Variants in EDA observed in about 807,000 individuals in gnomAD.
EDA encodes ectodysplasin A.
A neutral mutation model predicts 23.6 loss-of-function variants in EDA; 2 were observed. The observed-to-expected ratio is 0.08, with a 90% CI of 0.03 to 0.27. The LOEUF (loss-of-function observed/expected upper bound fraction) is 0.27, where lower values mean the gene tolerates loss of function less well. EDA is among the 10% of genes least tolerant of loss of function. EDA has a pLI of 1.00. For synonymous variants in EDA, 131 were observed against 132.0 expected (o/e 0.99, Z 0.05); for missense variants, 229 against 324.2 (o/e 0.71, Z 2.26).
chrX:69,740,351 TTTATATAGGACTATCTATATC>T (rs2013414214), intron 1 of EDA, among the ~76,000 whole-genome samples: 1 of 111,674 alleles, frequency 9.0e-6, no homozygotes, highest in Non-Finnish European at 1.9e-5. Flanking sequence ...TCTGTCTTTG[TTTATATAGGACTATCTATATC>T]ATCATCATTT....
At chrX:69,929,706 TTGTGTGTGTGTGTGTG>T (rs4007701) in intron 1 of EDA, among the ~76,000 whole-genome samples, 6 of 84,341 alleles carry the variant, frequency 7.1e-5, no homozygotes, top group African/African-American at 1.3e-4. Context: ...CATTCTATTT[TTGTGTGTGTGTGTGTG>T]TGTGTGTGTG....
intron 2 of EDA, among the ~76,000 whole-genome samples, chrX:70,020,419 C>T (rs1380927154): frequency 1.8e-5 from 2 of 110,549 alleles, no homozygotes; most frequent in Non-Finnish European, 3.8e-5. Flanking sequence ...ATTAGCCGGG[C>T]GTGGTGGCGG....
intron 1 of EDA, among the ~76,000 whole-genome samples, chrX:69,890,893 G>A (rs867007265): frequency 1.8e-5 from 2 of 111,612 alleles, no homozygotes; most frequent in Non-Finnish European, 1.9e-5. Flanking sequence ...TGACACATGG[G>A]ACCTAATTAA....
rs186790004 is a variant in EDA at position 69,751,984 on chromosome X, G to A, written c.396+135280G>A. ...GCTTAAGGAGATTTTGGGCTGCGAC[G>A]ATGGGGTTTTCTAGATATACAATCA... On this transcript the variant is annotated intron_variant, in intron 1 of 7. Coordinates refer to ENST00000374552, the MANE Select transcript of EDA (RefSeq NM_001399.5). Among the ~76,000 whole-genome samples the A allele has an allele frequency of 3.2e-4, 35 of 110,703 alleles. No homozygotes were observed. The East Asian group carries it at 5.4e-3, about 17-fold the overall frequency.
intron 1 of EDA, among the ~76,000 whole-genome samples, chrX:69,624,703 T>A (rs1466710929): frequency 9.1e-6 from 1 of 109,995 alleles, no homozygotes; most frequent in African/African-American, 3.3e-5. Context: ...AGCTTGGGTT[T>A]TTTTTTCCCC....
chrX:69,853,927 C>T (rs1242110948), intron 1 of EDA, among the ~76,000 whole-genome samples: 1 of 111,480 alleles, frequency 9.0e-6, no homozygotes, highest in Admixed American at 9.6e-5. Context: ...AGGGTCACAC[C>T]GAAACACACT....
chrX:69,885,527 C>T (rs1379647859), intron 1 of EDA, among the ~76,000 whole-genome samples: 2 of 112,021 alleles, frequency 1.8e-5, no homozygotes, highest in Non-Finnish European at 3.8e-5. Flanking sequence ...AATTTTATTT[C>T]TCTTTAAGGC....
intron 2 of EDA, among the ~76,000 whole-genome samples, chrX:69,972,816 C>A (rs1353184855): frequency 2.7e-5 from 3 of 111,674 alleles, no homozygotes; most frequent in Non-Finnish European, 5.7e-5. Context: ...ATGTAATTCT[C>A]CTTTCTGTCA....
At chrX:69,854,964 A>T (rs947382599) in intron 1 of EDA, among the ~76,000 whole-genome samples, 1 of 109,397 alleles carries the variant, frequency 9.1e-6, no homozygotes, top group African/African-American at 3.3e-5. Context: ...CCTTGCCAGC[A>T]TGTTATTTTT....
chrX:69,760,748 G>C (rs2014284668), intron 1 of EDA, among the ~76,000 whole-genome samples: 1 of 111,913 alleles, frequency 8.9e-6, no homozygotes, highest in Non-Finnish European at 1.9e-5. Flanking sequence ...GGAGACTTAT[G>C]ATTGTGCCCT....
At chrX:69,814,892 T>C (rs759572798) in intron 1 of EDA, among the ~76,000 whole-genome samples, 82 of 111,642 alleles carry the variant, frequency 7.3e-4, no homozygotes, top group South Asian at 4.6e-3. Flanking sequence ...TTGGGTCTGA[T>C]AGACAGAGCT....
chrX:69,963,513 G>A (rs1411808350), intron 2 of EDA, among the ~76,000 whole-genome samples: 1 of 112,456 alleles, frequency 8.9e-6, no homozygotes, highest in African/African-American at 3.2e-5. Context: ...CCTGCTGGTA[G>A]TGGGTGCCAA....
rs1459528204 is a variant in EDA, at chrX:70,035,691, G to A, written c.*82G>A. Reference sequence around the variant, plus strand: ...CCCAGAACCTCTAAGTGCTGCTGTGGAGTGAGGTGTATTGGTGTTGCAGCC... The same window carrying A: ...CCCAGAACCTCTAAGTGCTGCTGTGAAGTGAGGTGTATTGGTGTTGCAGCC... On this transcript the variant is annotated 3_prime_UTR_variant, in exon 8 of 8. Coordinates refer to ENST00000374552, the MANE Select transcript of EDA (RefSeq NM_001399.5). 20 of 1,104,875 alleles carry A rather than the reference G, an allele frequency of 1.8e-5. No homozygotes were observed. The highest frequency in any genetic ancestry group is 2.2e-5 in the Non-Finnish European group (18 of 809,286). The allele number at this position is 1,104,875 out of a possible 1,213,427, so 91.1% of individuals were successfully genotyped here. A position where few individuals can be genotyped will look rare whatever the true frequency, so the allele number is the denominator to read the frequency against.
intron 2 of EDA, among the ~76,000 whole-genome samples, chrX:70,019,237 T>C (rs1303892357): frequency 8.9e-6 from 1 of 112,236 alleles, no homozygotes; most frequent in Non-Finnish European, 1.9e-5. Context: ...ACTTATATAC[T>C]TCTGGTGGGA....
At chrX:70,023,972 C>G (rs1053921073) in intron 3 of EDA, among the ~76,000 whole-genome samples, 13 of 111,819 alleles carry the variant, frequency 1.2e-4, no homozygotes, top group Non-Finnish European at 2.4e-4. Context: ...TCTACAAGTG[C>G]TCACTTACTA....
At chrX:69,719,363 A>G (rs1181474718) in intron 1 of EDA, among the ~76,000 whole-genome samples, 1 of 111,558 alleles carries the variant, frequency 9.0e-6, no homozygotes, top group Non-Finnish European at 1.9e-5. Context: ...AAAAATTTCA[A>G]TAGCTTTAAG....
chrX:69,716,865 C>CT (rs887740284), intron 1 of EDA, among the ~76,000 whole-genome samples: 1 of 110,960 alleles, frequency 9.0e-6, no homozygotes, highest in Admixed American at 9.7e-5. Context: ...TGGCTCTCTG[C>CT]TTGGCTATTG....
chrX:69,973,150 T>C (rs1363778595), intron 2 of EDA, among the ~76,000 whole-genome samples: 1 of 111,438 alleles, frequency 9.0e-6, no homozygotes, highest in Non-Finnish European at 1.9e-5. Context: ...AATGTTTTTA[T>C]ATACACCAAA....
intron 1 of EDA, among the ~76,000 whole-genome samples, chrX:69,859,295 G>A (rs1221461881): frequency 9.0e-6 from 1 of 110,735 alleles, no homozygotes; most frequent in Non-Finnish European, 1.9e-5. Context: ...GTTTGTTCTT[G>A]ATTCTCAAGT....
Sources: gnomAD v4.1 joint callset for allele counts (sites outside exome capture counted in the v4.1 genomes callset) on GRCh38, gnomAD v4.1.1 for gene constraint, MANE v1.5 for transcripts, NCBI Gene and HGNC (gene_info 2026-07-23, HGNC 2026-07-21) for gene names.